The following SLC44A5 variants were observed in gnomAD, a reference collection of about 807,000 sequenced individuals.
The protein encoded by SLC44A5 is solute carrier family 44 member 5, also known as choline transporter-like protein 5.
SLC44A5 carries 57 observed loss-of-function variants against 101.8 expected under a neutral mutation model. That is an observed-to-expected ratio of 0.56 (90% CI 0.45 to 0.70). The LOEUF is 0.70. Ranked by LOEUF, SLC44A5 falls within the 30% of genes least tolerant of loss-of-function variation. The pLI is 0.00. For missense variants in SLC44A5, 737 were observed against 853.1 expected (o/e 0.86, Z 1.70); for synonymous variants, 281 against 290.9 (o/e 0.97, Z 0.35).
At chr1:75,455,266 AGGACT>A in intron 2 of SLC44A5, among the ~76,000 whole-genome samples, 1 of 152,302 alleles carries the variant, frequency 6.6e-6, no homozygotes, top group African/African-American at 2.4e-5. Flanking sequence ...CAATGCGGAA[AGGACT>A]CTCTATTCAA....
At chr1:75,630,281 AC>A in the SLC44A5 span, among the ~76,000 whole-genome samples, 4 of 152,004 alleles carry the variant, frequency 2.6e-5, no homozygotes, top group African/African-American at 9.7e-5. Context: ...TCTGGGGTCC[AC>A]CTCTCAGTTC....
chr1:75,558,373 T>A (rs1192807680), intron 1 of SLC44A5, among the ~76,000 whole-genome samples: 2 of 152,162 alleles, frequency 1.3e-5, no homozygotes, highest in Admixed American at 1.3e-4. Context: ...AATAATTTTC[T>A]GCTGGAGATT....
intron 1 of SLC44A5, among the ~76,000 whole-genome samples, chr1:75,548,959 A>T (rs1225592347): frequency 6.6e-6 from 1 of 152,130 alleles, no homozygotes; most frequent in African/African-American, 2.4e-5. Context: ...TGTCAAGTCC[A>T]GTCTGGTTTC....
intron 23 of SLC44A5, 90 bp downstream of exon 23, chr1:75,211,378 G>C (rs1201714918): frequency 3.1e-6 from 3 of 958,682 alleles, no homozygotes; most frequent in Non-Finnish European, 4.8e-6. Context: ...GGTAACAGCA[G>C]ATCCCCAAGC....
At chr1:75,364,617 T>C (rs1320397963) in intron 3 of SLC44A5, among the ~76,000 whole-genome samples, 1 of 152,184 alleles carries the variant, frequency 6.6e-6, no homozygotes, top group African/African-American at 2.4e-5. Flanking sequence ...ACCTGGATGG[T>C]GGTGTTTTCC....
chr1:75,494,040 T>A (rs897880306), intron 2 of SLC44A5, among the ~76,000 whole-genome samples: 1 of 152,168 alleles, frequency 6.6e-6, no homozygotes, highest in Admixed American at 6.6e-5. Flanking sequence ...GTTTGTCCTC[T>A]CCAAAACTCA....
intron 12 of SLC44A5, among the ~76,000 whole-genome samples, chr1:75,232,162 T>C (rs1647633030): frequency 6.6e-6 from 1 of 152,134 alleles, no homozygotes; most frequent in Non-Finnish European, 1.5e-5. Flanking sequence ...GGGTTAATAC[T>C]ATCTAGGGAG....
At chr1:75,526,947 A>T (rs1670439107) in intron 2 of SLC44A5, among the ~76,000 whole-genome samples, 1 of 152,084 alleles carries the variant, frequency 6.6e-6, no homozygotes, top group African/African-American at 2.4e-5. Flanking sequence ...CAGCCTGGGC[A>T]ACATGGTGAA....
intron 2 of SLC44A5, among the ~76,000 whole-genome samples, chr1:75,501,292 T>C (rs548458777): frequency 2.0e-5 from 3 of 152,284 alleles, no homozygotes; most frequent in South Asian, 2.1e-4. Context: ...CCAGGAATTA[T>C]TTCCCTCCTA....
chr1:75,570,013 C>A (rs1250842306), intron 1 of SLC44A5, among the ~76,000 whole-genome samples: 1 of 152,170 alleles, frequency 6.6e-6, no homozygotes, highest in Non-Finnish European at 1.5e-5. Context: ...GTAGAACATG[C>A]AACTCAAAGT....
the SLC44A5 span, among the ~76,000 whole-genome samples, chr1:75,632,948 G>T: frequency 6.6e-6 from 1 of 152,132 alleles, no homozygotes; most frequent in Non-Finnish European, 1.5e-5. Flanking sequence ...TTATTTGGTG[G>T]TGCTGGTAGT....
At chr1:75,215,667 G>A in intron 19 of SLC44A5, 87 bp downstream of exon 19, 1 of 748,962 alleles carries the variant, frequency 1.3e-6, no homozygotes, top group Non-Finnish European at 2.3e-6. Flanking sequence ...ACTGCATGAA[G>A]TAAAAGTACT....
chr1:75,680,773 G>A, the SLC44A5 span, among the ~76,000 whole-genome samples: 11 of 150,776 alleles, frequency 7.3e-5, no homozygotes, highest in East Asian at 2.1e-3. Flanking sequence ...GAGCAGAACT[G>A]AAGGAAATAG....
intron 3 of SLC44A5, among the ~76,000 whole-genome samples, chr1:75,389,907 C>T (rs1661667037): frequency 6.6e-6 from 1 of 151,780 alleles, no homozygotes; most frequent in Admixed American, 6.6e-5. Context: ...ACAAATAACG[C>T]CAATAGACTA....
rs148452110 is a variant in SLC44A5 at position 75,495,729 on chromosome 1, C to G, written c.13+45706G>C. 5.8e-3 allele frequency among the ~76,000 whole-genome samples: 883 copies of G among 152,062 alleles called. 4 individuals are homozygous for G. The highest frequency in any genetic ancestry group is 0.02 in the African/African-American group (846 of 41,480). On this transcript the variant is annotated intron_variant, in intron 2 of 23. Coordinates refer to ENST00000370859, the MANE Select transcript of SLC44A5 (RefSeq NM_001130058.2). ...AAAAAATGAAAAAGAGTGAAGACAG[C>G]TTAAGGTAATTGTAAAACACCATCA...
At chr1:75,420,145 G>C (rs375866759) in intron 2 of SLC44A5, among the ~76,000 whole-genome samples, 1 of 151,916 alleles carries the variant, frequency 6.6e-6, no homozygotes, top group African/African-American at 2.4e-5. Context: ...ATCTATAAAC[G>C]AGGAAACAGG....
intron 2 of SLC44A5, among the ~76,000 whole-genome samples, chr1:75,468,797 G>T (rs1037209270): frequency 1.3e-5 from 2 of 152,112 alleles, no homozygotes; most frequent in Non-Finnish European, 2.9e-5. Context: ...TAATTTAATT[G>T]TACATGTAAA....
At chr1:75,213,677 C>T (rs1378155283) in intron 22 of SLC44A5, 28 bp downstream of exon 22, 1 of 1,438,672 alleles carries the variant, frequency 7.0e-7, no homozygotes, top group Non-Finnish European at 9.8e-7. Context: ...TTATAGCAGC[C>T]TGTACTGACT....
At chr1:75,620,992 T>C in the SLC44A5 span, among the ~76,000 whole-genome samples, 1 of 152,206 alleles carries the variant, frequency 6.6e-6, no homozygotes, top group Non-Finnish European at 1.5e-5. Flanking sequence ...CTTTAATCCA[T>C]CTTGAGTTAA....
Sources: allele counts gnomAD v4.1 joint callset (sites outside exome capture counted in the v4.1 genomes callset), GRCh38; gene constraint gnomAD v4.1.1; transcripts MANE v1.5; gene names NCBI Gene and HGNC (gene_info 2026-07-23, HGNC 2026-07-21).